Variants in ZNF365 observed in about 807,000 individuals in gnomAD.
ZNF365 encodes the protein zinc finger protein 365, also known as protein ZNF365.
In ZNF365, 22 loss-of-function variants were observed where a neutral mutation model predicts 35.0. The observed-to-expected ratio is 0.63, with a 90% confidence interval of 0.45 to 0.90. The LOEUF (loss-of-function observed/expected upper bound fraction) is 0.90, where lower values mean the gene tolerates loss of function less well. Among genes scored for constraint, ZNF365 ranks in the 40% least tolerant of loss-of-function variants. The pLI is 0.00. For synonymous variants in ZNF365, 188 were observed against 196.2 expected (o/e 0.96, Z 0.35); for missense variants, 448 against 500.3 (o/e 0.90, Z 1.00).
intron 3 of ZNF365, among the ~76,000 whole-genome samples, chr10:62,444,316 GAGAC>G (rs1336716111): frequency 1.4e-4 from 21 of 152,310 alleles, no homozygotes; most frequent in African/African-American, 4.6e-4. Context: ...GCCCCGGTAG[GAGAC>G]AGGAGAGTGG....
intron 3 of ZNF365, 43 bp downstream of exon 3, chr10:62,388,619 G>A (rs369288154): frequency 2.5e-6 from 4 of 1,606,698 alleles, no homozygotes; most frequent in East Asian, 4.5e-5. Flanking sequence ...GATCCCTGTG[G>A]TTGGTGAGAA....
downstream of ZNF365, among the ~76,000 whole-genome samples, chr10:62,406,071 CAGTT>C (rs986116484): frequency 7.6e-4 from 115 of 152,266 alleles, 1 homozygote; most frequent in African/African-American, 2.7e-3. Flanking sequence ...AGTGGACACA[CAGTT>C]AGTTATTGGG....
At chr10:62,477,664 T>A (rs1914177) in intron 4 of ZNF365, among the ~76,000 whole-genome samples, 1 of 152,320 alleles carries the variant, frequency 6.6e-6, no homozygotes, top group South Asian at 2.1e-4. Context: ...TTCTTCCTCA[T>A]ACTAAATGCC....
intron 4 of ZNF365, among the ~76,000 whole-genome samples, chr10:62,477,511 G>T (rs1454017728): frequency 6.6e-6 from 1 of 152,136 alleles, no homozygotes; most frequent in African/African-American, 2.4e-5. Context: ...TATAGGTCCA[G>T]GCACATTACT....
chr10:62,442,565 T>G (rs1452770923), intron 3 of ZNF365, among the ~76,000 whole-genome samples: 2 of 152,208 alleles, frequency 1.3e-5, no homozygotes, highest in Admixed American at 6.5e-5. Context: ...TTTAGAAGTT[T>G]GGAGGGATGG....
At chr10:62,384,106 C>T (rs1349782637) in intron 2 of ZNF365, among the ~76,000 whole-genome samples, 1 of 93,748 alleles carries the variant, frequency 1.1e-5, no homozygotes, top group Non-Finnish European at 2.5e-5. Flanking sequence ...TAATATTTGG[C>T]CTTTTTTTTT....
At position 62,399,797 on chromosome 10, in the gene ZNF365, G is replaced by A; in HGVS notation, c.*8G>A. On this transcript the variant is annotated 3_prime_UTR_variant, in exon 5 of 5. Coordinates refer to ENST00000395254, the MANE Select transcript of ZNF365 (RefSeq NM_014951.3). The stretch of plus-strand genomic sequence containing the variant: ...ATTGTGAACATCATCTAAAAGGGTG[G>A]GTGGTGCTGGACCAATCATCGCTGG... 1.9e-6 allele frequency: 3 copies of A among 1,609,786 alleles called. No individual in the cohort carries two copies. The highest frequency in any genetic ancestry group is 2.5e-6 in the Non-Finnish European group (3 of 1,178,122).
At chr10:62,387,166 G>A (rs116607953) in intron 2 of ZNF365, among the ~76,000 whole-genome samples, 6 of 152,278 alleles carry the variant, frequency 3.9e-5, no homozygotes, top group African/African-American at 1.4e-4. Flanking sequence ...AAGACAATAG[G>A]GTAGAGAGAA....
intron 3 of ZNF365, among the ~76,000 whole-genome samples, chr10:62,433,422 T>TA (rs575648144): frequency 2.0e-3 from 297 of 152,196 alleles, no homozygotes; most frequent in African/African-American, 6.9e-3. Context: ...ATTAAGCATT[T>TA]AAAAAAACAG....
At chr10:62,460,179 T>C (rs1229902487) in intron 4 of ZNF365, among the ~76,000 whole-genome samples, 1 of 152,172 alleles carries the variant, frequency 6.6e-6, no homozygotes, top group Admixed American at 6.5e-5. Flanking sequence ...AGTTCTTCTG[T>C]ACATTGTGGC....
At chr10:62,445,999 A>G (rs1402878743) in intron 3 of ZNF365, among the ~76,000 whole-genome samples, 1 of 152,254 alleles carries the variant, frequency 6.6e-6, no homozygotes, top group East Asian at 1.9e-4. Context: ...ATTTGGCCAA[A>G]TCTATTGGTC....
intron 3 of ZNF365, among the ~76,000 whole-genome samples, chr10:62,417,398 A>G (rs1001923379): frequency 6.6e-6 from 1 of 152,060 alleles, no homozygotes; most frequent in African/African-American, 2.4e-5. Context: ...AAAATGAACA[A>G]AATGTCCATT....
At chr10:62,397,719 G>T (rs1839755220) in intron 3 of ZNF365, among the ~76,000 whole-genome samples, 1 of 152,174 alleles carries the variant, frequency 6.6e-6, no homozygotes, top group Non-Finnish European at 1.5e-5. Flanking sequence ...TTGTGGGGTT[G>T]TTCTTCATAT....
At chr10:62,448,975 A>G (rs550121471) in intron 3 of ZNF365, among the ~76,000 whole-genome samples, 1 of 152,358 alleles carries the variant, frequency 6.6e-6, no homozygotes, top group South Asian at 2.1e-4. Context: ...CTAAATAATT[A>G]CAGAAACAGA....
intron 4 of ZNF365, among the ~76,000 whole-genome samples, chr10:62,460,758 A>G (rs997616678): frequency 1.2e-4 from 19 of 152,148 alleles, no homozygotes; most frequent in African/African-American, 3.4e-4. Context: ...TGAAACGACA[A>G]TGTGGAAATG....
At chr10:62,387,273 A>G (rs1839541076) in intron 2 of ZNF365, among the ~76,000 whole-genome samples, 1 of 152,130 alleles carries the variant, frequency 6.6e-6, no homozygotes, top group African/African-American at 2.4e-5. Flanking sequence ...AGAGCAAGGT[A>G]GGAAAAGAAG....
At chr10:62,438,751 A>T (rs1043881284) in intron 3 of ZNF365, among the ~76,000 whole-genome samples, 10 of 152,218 alleles carry the variant, frequency 6.6e-5, no homozygotes, top group Non-Finnish European at 1.5e-5. Flanking sequence ...AGATTCTGGC[A>T]AAATCCTCAT....
chr10:62,479,866 T>C, intron 4 of ZNF365: 1 of 1,603,430 alleles, frequency 6.2e-7, no homozygotes, highest in Non-Finnish European at 8.5e-7. Context: ...CTTTTGGCTT[T>C]TATGACTAGG....
At chr10:62,454,554 T>C (rs1319857046) in intron 3 of ZNF365, among the ~76,000 whole-genome samples, 1 of 152,064 alleles carries the variant, frequency 6.6e-6, no homozygotes, top group Non-Finnish European at 1.5e-5. Context: ...CAAGAAAGCT[T>C]GAGAACCTCT....
Sources: allele counts gnomAD v4.1 joint callset (sites outside exome capture counted in the v4.1 genomes callset), GRCh38; gene constraint gnomAD v4.1.1; transcripts MANE v1.5; gene names NCBI Gene and HGNC (gene_info 2026-07-23, HGNC 2026-07-21).